Variants in PYCR3 observed in about 807,000 individuals in gnomAD.
The protein encoded by PYCR3 is P5C reductase 3.
A neutral mutation model predicts 23.4 loss-of-function variants in PYCR3; 26 were observed. That is an observed-to-expected ratio of 1.11 (90% CI 0.81 to 1.54). PYCR3 has a LOEUF of 1.54. Ranked by LOEUF, PYCR3 falls within the 40% of genes most tolerant of loss-of-function variation. The pLI is 0.00. For missense variants in PYCR3, 360 were observed against 376.3 expected (o/e 0.96, Z 0.36); for synonymous variants, 194 against 162.6 (o/e 1.19, Z -1.47).
In PYCR3 at chr8:143,606,635, C is replaced by T; in HGVS notation, c.381G>A (p.Leu127=). The change falls in exon 4 of 6, where the codon CTG becomes CTA. Residue 127 remains leucine (L), a synonymous_variant. Transcript: ENST00000495276. ...NTRVLRVLPN[L]PCVVQEGAIV... ...TGGCCCCTTCCTGGACCACACAGGG[C>T]AGGTTGGGCAAGACCCGCAGCACCC... 6.2e-7 allele frequency: 1 copy of T among 1,608,494 alleles called. No individual in the cohort carries two copies. Among genetic ancestry groups the T allele is most frequent in the African/African-American group, 1.3e-5 (1 of 74,940 alleles).
At chr8:143,606,179 G>T (rs1324690594) in intron 4 of PYCR3, 25 bp from the exon 5 acceptor site, 9 of 1,585,702 alleles carry the variant, frequency 5.7e-6, no homozygotes, top group East Asian at 2.3e-5. Context: ...TGGTGGTTGG[G>T]GGGGATAGGT....
At chr8:143,609,338 C>A (rs1829481700) in intron 1 of PYCR3, 120 bp downstream of exon 1, 1 of 1,189,260 alleles carries the variant, frequency 8.4e-7, no homozygotes, top group African/African-American at 1.6e-5. Context: ...CCCGGCTGCG[C>A]CCAGCGGAGC....
At position 143,607,610 on chromosome 8, in the gene PYCR3, A is replaced by G. The variant is rs561032480; in HGVS notation, c.156+452T>C. The stretch of plus-strand genomic sequence containing the variant: ...CATATACACATCTGCACAGGCACAC[A>G]TGCACAAGCACATACGTGCACTCAC... On this transcript the variant is annotated intron_variant, in intron 2 of 5. Transcript: ENST00000495276. Among the ~76,000 whole-genome samples the G allele has an allele frequency of 7.2e-5, 11 of 152,238 alleles. No homozygotes were observed. In the East Asian group the frequency reaches 1.9e-3, roughly 27 times the overall value.
At chr8:143,609,314 C>T in intron 1 of PYCR3, 144 bp downstream of exon 1, 1 of 971,588 alleles carries the variant, frequency 1.0e-6, no homozygotes, top group South Asian at 2.0e-5. Context: ...AAAGTAAGAG[C>T]AAACAGGCGT....
In PYCR3 at chr8:143,605,611, T is replaced by A; in HGVS notation, c.*89A>T. On this transcript the variant is annotated 3_prime_UTR_variant, in exon 6 of 6. Coordinates refer to ENST00000495276, the MANE Select transcript of PYCR3 (RefSeq NM_023078.6). ...GAGAAGGAGCAGTAGGAGACCCTCA[T>A]GCAGGAGGGAGGGAGCCGCAGTCCT... 1 of 1,202,760 alleles carries A rather than the reference T, an allele frequency of 8.3e-7. No individual in the cohort carries two copies. The highest frequency in any genetic ancestry group is 1.2e-6 in the Non-Finnish European group (1 of 861,472). 74.5% of individuals were successfully genotyped at this position (1,202,760 alleles called of 1,614,324 possible).
chr8:143,609,553 T>C lies in PYCR3; in HGVS notation c.-5A>G. 6.6e-7 allele frequency: 1 copy of C among 1,503,876 alleles called. No individual in the cohort carries two copies. Among genetic ancestry groups the C allele is most frequent in the East Asian group, 2.7e-5 (1 of 36,780 alleles). 93.2% of individuals were successfully genotyped at this position (1,503,876 alleles called of 1,614,324 possible). On this transcript the variant is annotated 5_prime_UTR_variant, in exon 1 of 6. Transcript: ENST00000495276. ...AGACGGCTCCGCAGCTGCCATCTTG[T>C]TGCCTCGGACGCCGCTGCGCTCACC...
At position 143,607,018 on chromosome 8, in the gene PYCR3, C is replaced by A. The variant is rs371415177; in HGVS notation, c.271G>T (p.Val91Leu). ...ACCAAGATGTGTTCAGTGGTGACCA[C>A]AGGAGCCACCTCTGCCAGGACAGCT... is the stretch of plus-strand genomic sequence containing the variant. ...LPAVLAEVAP[V>L]VTTEHILVSV... Residue 91 changes from valine to leucine, a missense_variant, in exon 3 of 6, where the codon GTG becomes TTG. Coordinates refer to ENST00000495276, the MANE Select transcript of PYCR3 (RefSeq NM_023078.6). 1.9e-6 allele frequency: 3 copies of A among 1,613,228 alleles called. No homozygotes were observed. In the African/African-American group the frequency reaches 4.0e-5, roughly 22 times the overall value.
Position 143,605,563 on chromosome 8 carries a change from C to A in PYCR3, c.*137G>T. On this transcript the variant is annotated 3_prime_UTR_variant, in exon 6 of 6. Coordinates refer to ENST00000495276, the MANE Select transcript of PYCR3 (RefSeq NM_023078.6). ...CTGCTGGAACCTCCCAAGTCCTGCC[C>A]CCTGCATTTCCCTGTGCAAGGGGAG... 1.2e-6 allele frequency: 1 copy of A among 831,416 alleles called. No individual in the cohort carries two copies. The highest frequency in any genetic ancestry group is 1.8e-6 in the Non-Finnish European group (1 of 547,034). 51.5% of individuals were successfully genotyped at this position (831,416 alleles called of 1,614,324 possible). A position where few individuals can be genotyped will look rare whatever the true frequency, so the allele number is the denominator to read the frequency against.
At position 143,603,366 on chromosome 8, in the gene PYCR3, T is replaced by G. The variant is rs1563675636; in HGVS notation, c.*2334A>C. The G allele has an allele frequency of 6.6e-6, 1 of 152,240 alleles. No homozygotes were observed. Among genetic ancestry groups the G allele is most frequent in the African/African-American group, 2.4e-5 (1 of 41,456 alleles). 9.4% of individuals were successfully genotyped at this position (152,240 alleles called of 1,614,324 possible). On this transcript the variant is annotated 3_prime_UTR_variant, in exon 6 of 6. Transcript: ENST00000495276. ...TAATCATATCCATCGTTTTCTGTCTTGAAGAACAGTTTTCACCTGGAAGTA... is the reference window on the plus strand; with the variant it reads ...TAATCATATCCATCGTTTTCTGTCTGGAAGAACAGTTTTCACCTGGAAGTA...
At position 143,605,406 on chromosome 8, in the gene PYCR3, C is replaced by T; in HGVS notation, c.*294G>A. 1 of 465,764 alleles carries T rather than the reference C, an allele frequency of 2.1e-6. No homozygotes were observed. The highest frequency in any genetic ancestry group is 1.9e-5 in the African/African-American group (1 of 51,522). 28.9% of individuals were successfully genotyped at this position (465,764 alleles called of 1,614,324 possible). ...ACCATGCGGGCAAATGACCAAGACG[C>T]CATCTCTTGGGCCCCTCAGAACCAA... is the stretch of plus-strand genomic sequence containing the variant. On this transcript the variant is annotated 3_prime_UTR_variant, in exon 6 of 6. Transcript: ENST00000495276.
chr8:143,605,233 C>T lies in PYCR3; in HGVS notation c.*467G>A, dbSNP rs989461110. 6.8e-6 allele frequency: 2 copies of T among 293,712 alleles called. No individual in the cohort carries two copies. Among genetic ancestry groups the T allele is most frequent in the African/African-American group, 2.2e-5 (1 of 45,020 alleles). The allele number at this position is 293,712 out of a possible 1,614,324, so 18.2% of individuals were successfully genotyped here. On this transcript the variant is annotated 3_prime_UTR_variant, in exon 6 of 6. Transcript: ENST00000495276. ...TGTGCAGACCCCATATGGCTCGTGC[C>T]CCCTAGAGCTGAGATGAGGCAGCCG...
intron 3 of PYCR3, 41 bp from the exon 4 acceptor site, chr8:143,606,720 GGGCCCTGCTGGGCAGGC>G (rs780844472): frequency 3.3e-5 from 51 of 1,538,558 alleles, no homozygotes; most frequent in Admixed American, 2.9e-4. Flanking sequence ...CTGTAGGACT[GGGCCCTGCTGGGCAGGC>G]CCCAGCAGGG....
In PYCR3 at chr8:143,605,781, C is replaced by T; in HGVS notation, c.744G>A (p.Leu248=). The T allele has an allele frequency of 6.2e-7, 1 of 1,611,984 alleles. No homozygotes were observed. The highest frequency in any genetic ancestry group is 8.5e-7 in the Non-Finnish European group (1 of 1,179,564). Residue 248 remains leucine (L), a synonymous_variant, in exon 6 of 6, where the codon CTG becomes CTA. Transcript: ENST00000495276. ...TGGCTGCTCGCAGCCCGCCCTGCTC[C>T]AGGGCGTGGAGTCCATAGATGGTGG... ...GGTTIYGLHA[L]EQGGLRAATM...
At position 143,609,551 on chromosome 8, in the gene PYCR3, T is replaced by C. The variant is rs1171120984; in HGVS notation, c.-3A>G. The C allele has an allele frequency of 2.0e-6, 3 of 1,505,480 alleles. No individual in the cohort carries two copies. Among genetic ancestry groups the C allele is most frequent in the South Asian group, 1.2e-5 (1 of 80,896 alleles). The allele number at this position is 1,505,480 out of a possible 1,614,324, so 93.3% of individuals were successfully genotyped here. ...GGAGACGGCTCCGCAGCTGCCATCT[T>C]GTTGCCTCGGACGCCGCTGCGCTCA... is the stretch of plus-strand genomic sequence containing the variant. On this transcript the variant is annotated 5_prime_UTR_variant, in exon 1 of 6. Coordinates refer to ENST00000495276, the MANE Select transcript of PYCR3 (RefSeq NM_023078.6).
intron 3 of PYCR3, 21 bp from the exon 4 acceptor site, chr8:143,606,700 A>G (rs1297200791): frequency 6.4e-7 from 1 of 1,566,088 alleles, no homozygotes; most frequent in Non-Finnish European, 8.6e-7. Context: ...AGAGGTCAGA[A>G]TCAGGGAGTC....
chr8:143,609,003 G>C (rs140946335), intron 1 of PYCR3: 4 of 426,516 alleles, frequency 9.4e-6, no homozygotes, highest in Non-Finnish European at 1.9e-5. Context: ...TTCTCAACAG[G>C]GGATGATTTT....
rs770666506 is a variant in PYCR3 at position 143,606,652 on chromosome 8, G to A, written c.364C>T (p.Arg122Trp). ...ELLPPNTRVL[R>W]VLPNLPCVVQ... ...ACACAGGGCAGGTTGGGCAAGACCCGCAGCACCCGTGTGTTTGGGGGCAGC... is the reference window on the plus strand; with the variant it reads ...ACACAGGGCAGGTTGGGCAAGACCCACAGCACCCGTGTGTTTGGGGGCAGC... Residue 122 changes from arginine to tryptophan, a missense_variant, in exon 4 of 6, where the codon CGG (arginine) becomes TGG (tryptophan). By Grantham distance (101) the Arg-to-Trp change is moderately radical. Transcript: ENST00000495276. 17 of 1,602,518 alleles carry A rather than the reference G, an allele frequency of 1.1e-5. No homozygotes were observed. The highest frequency in any genetic ancestry group is 1.7e-4 in the Middle Eastern group (1 of 6,040).
intron 1 of PYCR3, 92 bp downstream of exon 1, chr8:143,609,366 G>C (rs1829482731): frequency 1.5e-6 from 2 of 1,336,596 alleles, no homozygotes; most frequent in African/African-American, 1.6e-5. Context: ...CGGTTGGCTG[G>C]GCCCGCGCCC....
chr8:143,606,810 C>A, intron 3 of PYCR3, 131 bp from the exon 4 acceptor site: 1 of 1,331,810 alleles, frequency 7.5e-7, no homozygotes, highest in East Asian at 2.4e-5. Context: ...AGGTACAGCA[C>A]CAGGAGGGAA....
Sources: gnomAD v4.1 joint callset for allele counts (sites outside exome capture counted in the v4.1 genomes callset) on GRCh38, gnomAD v4.1.1 for gene constraint, MANE v1.5 for transcripts, NCBI Gene and HGNC (gene_info 2026-07-23, HGNC 2026-07-21) for gene names.